The following LRBA variants were observed in gnomAD, a reference collection of about 807,000 sequenced individuals.
LRBA encodes lipopolysaccharide-responsive and beige-like anchor protein.
Under a neutral mutation model 330.0 loss-of-function variants are expected in LRBA, and 176 were observed. That is an observed-to-expected ratio of 0.53 (90% CI 0.47 to 0.60). The LOEUF (loss-of-function observed/expected upper bound fraction) is 0.60, where lower values mean the gene tolerates loss of function less well. Among genes scored for constraint, LRBA ranks in the 20% least tolerant of loss-of-function variants. The pLI, the probability that LRBA is intolerant of heterozygous loss-of-function variation, is 0.00. For synonymous variants in LRBA, 1,230 were observed against 1,193.0 expected, an observed-to-expected ratio of 1.03 and a Z score of -0.64; for missense variants, 3,259 against 3,444.8, an observed-to-expected ratio of 0.95 and a Z score of 1.35.
chr4:150,706,334 A>C (rs1785616815), intron 36 of LRBA, among the ~76,000 whole-genome samples: 1 of 151,924 alleles, frequency 6.6e-6, no homozygotes, highest in Non-Finnish European at 1.5e-5. Context: ...CATTTAGTAT[A>C]TAACAGTAGC....
chr4:151,008,892 C>T (rs540359472), intron 2 of LRBA, among the ~76,000 whole-genome samples: 201 of 143,322 alleles, frequency 1.4e-3, no homozygotes, highest in African/African-American at 4.9e-3. Flanking sequence ...ATTGCTTGAA[C>T]CCGGGAGGCG....
chr4:150,927,171 G>A (rs1351640269), intron 4 of LRBA, among the ~76,000 whole-genome samples: 2 of 151,558 alleles, frequency 1.3e-5, no homozygotes, highest in East Asian at 3.9e-4. Context: ...TTAGGAGATC[G>A]AGACCATCCT....
Position 150,897,765 on chromosome 4 carries a change from T to C in LRBA, c.1978A>G (p.Met660Val). 6.2e-7 allele frequency: 1 copy of C among 1,612,444 alleles called. No homozygotes were observed. The change falls in exon 15 of 57, where the codon ATG (methionine) becomes GTG (valine). Residue 660 changes from methionine (M) to valine (V), a missense_variant. Met to Val is a conservative substitution (Grantham distance 21). Transcript: ENST00000651943. ...TTCATCACTAATTGCTTAATGAACA[T>C]CAACAAGAATGCTCGTAGAGAAAGC... Reference protein sequence around the residue: ...EMLSLRAFLLMFIKQLVMKDS... With the variant: ...EMLSLRAFLLVFIKQLVMKDS...
At chr4:150,929,501 C>T (rs1015450168) in intron 2 of LRBA, among the ~76,000 whole-genome samples, 4 of 152,186 alleles carry the variant, frequency 2.6e-5, no homozygotes, top group African/African-American at 9.7e-5. Flanking sequence ...AGTGGTCACA[C>T]ATTGGAGTTT....
chr4:150,351,584 G>A (rs992359248), intron 47 of LRBA, among the ~76,000 whole-genome samples: 1 of 152,130 alleles, frequency 6.6e-6, no homozygotes, highest in African/African-American at 2.4e-5. Context: ...AGCTACCCGG[G>A]AGGCTGAGGC....
intron 46 of LRBA, among the ~76,000 whole-genome samples, chr4:150,433,708 G>A (rs988888058): frequency 7.2e-5 from 11 of 152,000 alleles, no homozygotes; most frequent in Non-Finnish European, 1.5e-4. Flanking sequence ...AGTTACATAA[G>A]TAATTAAACA....
At chr4:150,773,865 C>T (rs1216414462) in intron 34 of LRBA, among the ~76,000 whole-genome samples, 1 of 152,174 alleles carries the variant, frequency 6.6e-6, no homozygotes, top group East Asian at 1.9e-4. Flanking sequence ...GATCATCTGG[C>T]CCCCATAAGC....
intron 2 of LRBA, among the ~76,000 whole-genome samples, chr4:150,982,136 T>C (rs1740917250): frequency 6.6e-6 from 1 of 152,020 alleles, no homozygotes; most frequent in South Asian, 2.1e-4. Context: ...ACTAGAAAAA[T>C]AGAAGACCCA....
chr4:150,509,714 A>G (rs1761609733), intron 40 of LRBA, among the ~76,000 whole-genome samples: 1 of 152,196 alleles, frequency 6.6e-6, no homozygotes, highest in African/African-American at 2.4e-5. Flanking sequence ...AATATCAGGA[A>G]TTATAACAGG....
chr4:150,914,507 G>A (rs1316578326), intron 8 of LRBA, among the ~76,000 whole-genome samples, 166 bp from the exon 9 acceptor site: 1 of 152,126 alleles, frequency 6.6e-6, no homozygotes, highest in East Asian at 1.9e-4. Context: ...AAATGTGTAT[G>A]TAATGACATT....
chr4:150,986,728 C>T (rs756810129), intron 2 of LRBA, among the ~76,000 whole-genome samples: 4 of 152,070 alleles, frequency 2.6e-5, no homozygotes, highest in Non-Finnish European at 5.9e-5. Flanking sequence ...TGACTGAAAA[C>T]AAAGATTTTA....
intron 40 of LRBA, among the ~76,000 whole-genome samples, chr4:150,543,819 G>C (rs1005010040): frequency 6.6e-6 from 1 of 151,990 alleles, no homozygotes; most frequent in Non-Finnish European, 1.5e-5. Context: ...TATTACCAAA[G>C]TACCTCAACA....
rs185805109 is a variant in LRBA at position 150,810,156 on chromosome 4, A to G, written c.5306-1758T>C. Among the ~76,000 whole-genome samples, 184 of 152,278 alleles carry G rather than the reference A, an allele frequency of 1.2e-3. 1 individual carries two copies. The highest frequency in any genetic ancestry group is 4.1e-3 in the African/African-American group (171 of 41,564). On this transcript the variant is annotated intron_variant, in intron 31 of 56. Coordinates refer to ENST00000651943, the MANE Select transcript of LRBA (RefSeq NM_001364905.1). ...CTTTCCTGAAACATGCTTGGTTTTTAGGCAGTACTTGATCAATAACCCTCA... is the reference window on the plus strand; with the variant it reads ...CTTTCCTGAAACATGCTTGGTTTTTGGGCAGTACTTGATCAATAACCCTCA...
At chr4:150,922,932 A>G (rs1371383758) in intron 4 of LRBA, among the ~76,000 whole-genome samples, 1 of 152,164 alleles carries the variant, frequency 6.6e-6, no homozygotes, top group African/African-American at 2.4e-5. Context: ...CACATGGGTA[A>G]TAACTGTCAA....
chr4:150,349,918 G>T, intron 48 of LRBA, 74 bp downstream of exon 48: 1 of 1,271,542 alleles, frequency 7.9e-7, no homozygotes, highest in South Asian at 1.3e-5. Flanking sequence ...CAAAGGATGG[G>T]GGAGGTGTTC....
chr4:150,926,519 A>G (rs988392624), intron 4 of LRBA, among the ~76,000 whole-genome samples: 10 of 152,238 alleles, frequency 6.6e-5, no homozygotes, highest in Non-Finnish European at 1.5e-4. Context: ...CTTAAAAGGA[A>G]TATGACAAAA....
At chr4:150,577,577 C>T (rs1045072300) in intron 40 of LRBA, among the ~76,000 whole-genome samples, 16 of 151,960 alleles carry the variant, frequency 1.1e-4, no homozygotes, top group African/African-American at 3.4e-4. Flanking sequence ...TATAAATCCT[C>T]CAGAAATGCT....
chr4:150,307,771 A>G (rs1247407157), intron 52 of LRBA, among the ~76,000 whole-genome samples: 1 of 152,064 alleles, frequency 6.6e-6, no homozygotes, highest in Non-Finnish European at 1.5e-5. Context: ...GAAAAAAAAG[A>G]CATGTCCAAG....
chr4:150,516,168 T>C (rs1376107574), intron 40 of LRBA, among the ~76,000 whole-genome samples: 1 of 150,108 alleles, frequency 6.7e-6, no homozygotes, highest in African/African-American at 2.4e-5. Context: ...AACAAATATA[T>C]ATTTTTTTAA....
Sources: allele counts gnomAD v4.1 joint callset (sites outside exome capture counted in the v4.1 genomes callset), GRCh38; gene constraint gnomAD v4.1.1; transcripts MANE v1.5; gene names NCBI Gene and HGNC (gene_info 2026-07-23, HGNC 2026-07-21).